Variants in FGF14 observed in about 807,000 individuals in gnomAD.
FGF14 encodes fibroblast growth factor homologous factor 4.
FGF14 carries 5 observed loss-of-function variants against 25.5 expected under a neutral mutation model. That is an observed-to-expected ratio of 0.20 (90% CI 0.10 to 0.41). The LOEUF is 0.41. Among genes scored for constraint, FGF14 ranks in the 10% least tolerant of loss-of-function variants. The probability of loss-of-function intolerance (pLI) is 1.00; values close to 1 mark genes in which losing one functional copy is unlikely to be tolerated. For synonymous variants in FGF14, 138 were observed against 118.3 expected (o/e 1.17, Z -1.08); for missense variants, 222 against 320.1 (o/e 0.69, Z 2.34).
At chr13:101,980,551 ATTTG>A (rs1468215485) in intron 1 of FGF14, among the ~76,000 whole-genome samples, 2 of 152,216 alleles carry the variant, frequency 1.3e-5, no homozygotes, top group Admixed American at 6.5e-5. Flanking sequence ...CAGGATTTAC[ATTTG>A]TTTAAAATTT....
chr13:101,747,493 G>C (rs1045714651), intron 3 of FGF14, among the ~76,000 whole-genome samples: 9 of 151,970 alleles, frequency 5.9e-5, no homozygotes, highest in Admixed American at 3.3e-4. Flanking sequence ...CCTTCTAATT[G>C]TTAAGGGATG....
intron 1 of FGF14, among the ~76,000 whole-genome samples, chr13:102,279,435 T>G (rs776864011): frequency 7.9e-5 from 12 of 152,206 alleles, no homozygotes; most frequent in Non-Finnish European, 1.8e-4. Flanking sequence ...CACATTACAT[T>G]TAATCAATTT....
chr13:102,109,577 A>G (rs918140218), intron 1 of FGF14, among the ~76,000 whole-genome samples: 16 of 152,034 alleles, frequency 1.1e-4, no homozygotes, highest in African/African-American at 3.9e-4. Flanking sequence ...ATTTTTTGTA[A>G]TTTTTAGCAG....
At chr13:101,815,693 G>T (rs770805777) in intron 3 of FGF14, among the ~76,000 whole-genome samples, 10 of 152,120 alleles carry the variant, frequency 6.6e-5, no homozygotes, top group Non-Finnish European at 1.0e-4. Flanking sequence ...ACTAGTTGCA[G>T]CTGGAAGAGG....
At chr13:102,382,224 T>C (rs561570632) in intron 1 of FGF14, among the ~76,000 whole-genome samples, 3 of 152,218 alleles carry the variant, frequency 2.0e-5, no homozygotes, top group African/African-American at 7.2e-5. Flanking sequence ...AAAATACTTC[T>C]AAATCATATA....
At chr13:101,938,549 A>C (rs2035248532) in intron 1 of FGF14, among the ~76,000 whole-genome samples, 1 of 152,234 alleles carries the variant, frequency 6.6e-6, no homozygotes, top group African/African-American at 2.4e-5. Context: ...AATCCATGCC[A>C]TTGAGAAAAT....
rs114956063 is a variant in FGF14 at position 102,392,809 on chromosome 13, C to A, written c.208+8662G>T. 1.4e-3 allele frequency among the ~76,000 whole-genome samples: 216 copies of A among 152,314 alleles called. 3 individuals are homozygous for A. Among genetic ancestry groups the A allele is most frequent in the African/African-American group, 4.8e-3 (200 of 41,576 alleles). On this transcript the variant is annotated intron_variant, in intron 1 of 4. Transcript: ENST00000376131. The stretch of plus-strand genomic sequence containing the variant: ...TGTCACTGCCTTATTCTGGACCGCT[C>A]ACCACTGCTCACTGCTCTTCCTCCC...
At chr13:102,180,182 T>C (rs2048609243) in intron 1 of FGF14, among the ~76,000 whole-genome samples, 1 of 152,228 alleles carries the variant, frequency 6.6e-6, no homozygotes, top group Admixed American at 6.5e-5. Context: ...AGACACATCA[T>C]ATAAAATTGC....
chr13:101,882,559 T>C (rs922821418), intron 1 of FGF14, among the ~76,000 whole-genome samples: 1 of 151,972 alleles, frequency 6.6e-6, no homozygotes, highest in African/African-American at 2.4e-5. Flanking sequence ...TGTTTTTTTT[T>C]TTTATACATT....
chr13:102,320,504 A>G (rs1414929004), intron 1 of FGF14, among the ~76,000 whole-genome samples: 1 of 152,020 alleles, frequency 6.6e-6, no homozygotes, highest in Admixed American at 6.6e-5. Flanking sequence ...GAAAATGGTG[A>G]CTAAACCAAT....
intron 1 of FGF14, among the ~76,000 whole-genome samples, chr13:102,125,630 C>CA (rs1238653996): frequency 2.0e-5 from 3 of 152,116 alleles, no homozygotes; most frequent in African/African-American, 7.2e-5. Flanking sequence ...ACCTGGATAG[C>CA]AGGGCAGAAA....
intron 1 of FGF14, among the ~76,000 whole-genome samples, chr13:102,305,410 C>G (rs1161038366): frequency 6.6e-6 from 1 of 151,912 alleles, no homozygotes; most frequent in Non-Finnish European, 1.5e-5. Context: ...TAATAATAAC[C>G]AATCAAATGT....
intron 1 of FGF14, among the ~76,000 whole-genome samples, chr13:101,992,598 G>T (rs2038968081): frequency 6.6e-6 from 1 of 152,064 alleles, no homozygotes; most frequent in African/African-American, 2.4e-5. Flanking sequence ...AGATGTAAGA[G>T]AAGATGGGAA....
intron 3 of FGF14, among the ~76,000 whole-genome samples, chr13:101,844,790 C>G (rs1404135411): frequency 6.6e-6 from 1 of 151,948 alleles, no homozygotes; most frequent in Non-Finnish European, 1.5e-5. Flanking sequence ...CCTGTGTGTG[C>G]TTGAACACGC....
intron 1 of FGF14, among the ~76,000 whole-genome samples, chr13:102,052,377 T>C (rs2042248312): frequency 6.6e-6 from 1 of 151,830 alleles, no homozygotes; most frequent in Non-Finnish European, 1.5e-5. Flanking sequence ...AATATAAATA[T>C]CCAGGTACGA....
chr13:101,923,439 C>T (rs1032385310), intron 1 of FGF14, among the ~76,000 whole-genome samples: 2 of 151,924 alleles, frequency 1.3e-5, no homozygotes, highest in Non-Finnish European at 2.9e-5. Flanking sequence ...GAAAAGTAAT[C>T]GATATTGATG....
chr13:102,025,843 A>T (rs773215306), intron 1 of FGF14, among the ~76,000 whole-genome samples: 5 of 152,000 alleles, frequency 3.3e-5, no homozygotes, highest in Non-Finnish European at 7.4e-5. Context: ...TTCTATATTG[A>T]GCTTGTAGCC....
intron 1 of FGF14, among the ~76,000 whole-genome samples, chr13:102,041,630 G>C (rs1229673615): frequency 1.3e-5 from 2 of 149,686 alleles, no homozygotes; most frequent in East Asian, 3.9e-4. Flanking sequence ...TCCTTTACTT[G>C]AACTAGAACA....
At chr13:101,812,626 TATATATATA>T (rs2041589509) in intron 3 of FGF14, among the ~76,000 whole-genome samples, 1 of 9,866 alleles carries the variant, frequency 1.0e-4, no homozygotes, top group East Asian at 3.2e-3. Context: ...TATATATATA[TATATATATA>T]TATATATATA....
Sources: gnomAD v4.1 joint callset for allele counts (sites outside exome capture counted in the v4.1 genomes callset) on GRCh38, gnomAD v4.1.1 for gene constraint, MANE v1.5 for transcripts, NCBI Gene and HGNC (gene_info 2026-07-23, HGNC 2026-07-21) for gene names.